RAP1A: variants seen among roughly 807,000 people sequenced by gnomAD.
The protein encoded by RAP1A is RAP1A, member of RAS oncogene family.
Under a neutral mutation model 26.4 loss-of-function variants are expected in RAP1A, and 6 were observed. That is an observed-to-expected ratio of 0.23 (90% CI 0.12 to 0.45). The LOEUF (loss-of-function observed/expected upper bound fraction) is 0.45. Ranked by LOEUF, RAP1A falls within the 20% of genes least tolerant of loss-of-function variation. The pLI is 0.99. For synonymous variants in RAP1A, 73 were observed against 79.4 expected (o/e 0.92, Z 0.43); for missense variants, 121 against 217.2 (o/e 0.56, Z 2.78).
At chr1:111,636,724 C>T (rs897662890) in intron 1 of RAP1A, among the ~76,000 whole-genome samples, 12 of 152,028 alleles carry the variant, frequency 7.9e-5, no homozygotes, top group Non-Finnish European at 1.3e-4. Flanking sequence ...GTGATCCACC[C>T]GCCTTGGCCT....
chr1:111,559,027 A>G (rs1347463934), intron 1 of RAP1A, among the ~76,000 whole-genome samples: 2 of 152,194 alleles, frequency 1.3e-5, no homozygotes, highest in African/African-American at 2.4e-5. Context: ...TTCTCTGAAC[A>G]TAATGCAGTT....
At chr1:111,606,336 C>G (rs898356348) in intron 1 of RAP1A, among the ~76,000 whole-genome samples, 1 of 148,512 alleles carries the variant, frequency 6.7e-6, no homozygotes, top group Non-Finnish European at 1.5e-5. Context: ...GATGAGGAAC[C>G]TTTAAAAAAA....
At chr1:111,653,185 G>T (rs971395191) in intron 1 of RAP1A, among the ~76,000 whole-genome samples, 3 of 152,198 alleles carry the variant, frequency 2.0e-5, no homozygotes, top group Non-Finnish European at 4.4e-5. Context: ...TTCCATCTAT[G>T]TGAAATGTAT....
intron 1 of RAP1A, among the ~76,000 whole-genome samples, chr1:111,643,650 T>A (rs1659962213): frequency 6.6e-6 from 1 of 152,234 alleles, no homozygotes; most frequent in South Asian, 2.1e-4. Flanking sequence ...TTAACTTAAA[T>A]GCCTTGTGGA....
At chr1:111,648,224 C>A in intron 1 of RAP1A, 14 of 427,388 alleles carry the variant, frequency 3.3e-5, no homozygotes, top group Non-Finnish European at 4.7e-5. Context: ...TTTTTGACTT[C>A]CAGTGACCTT....
intron 1 of RAP1A, among the ~76,000 whole-genome samples, chr1:111,564,169 G>T (rs1054479706): frequency 2.6e-5 from 4 of 152,224 alleles, no homozygotes; most frequent in African/African-American, 7.2e-5. Context: ...TGGTCATTGT[G>T]TGGCTTTCCA....
chr1:111,688,516 C>T (rs893554648), intron 1 of RAP1A, among the ~76,000 whole-genome samples: 9 of 151,590 alleles, frequency 5.9e-5, no homozygotes, highest in South Asian at 2.1e-4. Flanking sequence ...GACGGGGTTT[C>T]GCCGTGTTGC....
At chr1:111,642,644 C>A (rs1022368237) in intron 1 of RAP1A, among the ~76,000 whole-genome samples, 2 of 151,990 alleles carry the variant, frequency 1.3e-5, no homozygotes, top group African/African-American at 4.8e-5. Flanking sequence ...CCTGCCACCA[C>A]GCGCGGCTAG....
intron 1 of RAP1A, among the ~76,000 whole-genome samples, chr1:111,597,504 G>A (rs1223156706): frequency 6.6e-6 from 1 of 152,148 alleles, no homozygotes; most frequent in African/African-American, 2.4e-5. Flanking sequence ...CCCAACAGAA[G>A]CCCATCTGCT....
intron 3 of RAP1A, 22 bp from the exon 4 acceptor site, chr1:111,697,419 T>C: frequency 1.2e-6 from 1 of 819,630 alleles, no homozygotes; most frequent in Non-Finnish European, 1.9e-6. Flanking sequence ...CTTTAACCTT[T>C]TTTTTTTTTT....
rs113510193 is a variant in RAP1A at position 111,571,454 on chromosome 1, C to T, written c.-28+28945C>T. Among the ~76,000 whole-genome samples, 218 of 152,312 alleles carry T rather than the reference C, an allele frequency of 1.4e-3. 2 individuals are homozygous for T. Among genetic ancestry groups the T allele is most frequent in the South Asian group, 8.3e-3 (40 of 4,826 alleles). On this transcript the variant is annotated intron_variant, in intron 1 of 7. Transcript: ENST00000356415. ...AGCCTCCATCCTGGAGATATCTAGG[C>T]GCTCCAACCTGAGTCACCTCATTAG...
At chr1:111,587,648 C>CT (rs1658402116) in intron 1 of RAP1A, among the ~76,000 whole-genome samples, 1 of 152,172 alleles carries the variant, frequency 6.6e-6, no homozygotes, top group African/African-American at 2.4e-5. Context: ...TCATTTCTCT[C>CT]TTTTTCAAAG....
chr1:111,643,129 G>A (rs1015907051), intron 1 of RAP1A, among the ~76,000 whole-genome samples: 6 of 152,128 alleles, frequency 3.9e-5, no homozygotes, highest in Admixed American at 3.9e-4. Context: ...GGGCCATATG[G>A]TCCCTGTTGC....
chr1:111,680,976 G>A (rs1270647331), intron 1 of RAP1A, among the ~76,000 whole-genome samples: 1 of 152,372 alleles, frequency 6.6e-6, no homozygotes, highest in Non-Finnish European at 1.5e-5. Context: ...GCTGGGTGTG[G>A]TGGCTCACGC....
intron 1 of RAP1A, among the ~76,000 whole-genome samples, chr1:111,669,371 T>C (rs970181749): frequency 6.6e-6 from 1 of 152,180 alleles, no homozygotes; most frequent in African/African-American, 2.4e-5. Flanking sequence ...GGGGTGCAAA[T>C]TGAAATGTGT....
chr1:111,564,252 T>C (rs1657859188), intron 1 of RAP1A, among the ~76,000 whole-genome samples: 1 of 152,220 alleles, frequency 6.6e-6, no homozygotes, highest in African/African-American at 2.4e-5. Context: ...CTGAGTACCT[T>C]ATTGCCTTTT....
chr1:111,668,493 T>A (rs1660868730), intron 1 of RAP1A, among the ~76,000 whole-genome samples: 1 of 152,154 alleles, frequency 6.6e-6, no homozygotes. Flanking sequence ...TAATTAATCC[T>A]CACAAAAACT....
At chr1:111,664,127 A>G (rs1461624349) in intron 1 of RAP1A, among the ~76,000 whole-genome samples, 1 of 151,910 alleles carries the variant, frequency 6.6e-6, no homozygotes, top group Non-Finnish European at 1.5e-5. Flanking sequence ...TAATCCCAGC[A>G]CTTTGGGAGG....
intron 1 of RAP1A, among the ~76,000 whole-genome samples, chr1:111,627,793 A>G (rs1254837141): frequency 6.7e-6 from 1 of 149,904 alleles, no homozygotes; most frequent in East Asian, 1.9e-4. Flanking sequence ...TTTTTTGGAG[A>G]GCTAGAATTT....
Sources: allele counts gnomAD v4.1 joint callset (sites outside exome capture counted in the v4.1 genomes callset), GRCh38; gene constraint gnomAD v4.1.1; transcripts MANE v1.5; gene names NCBI Gene and HGNC (gene_info 2026-07-23, HGNC 2026-07-21).